SLCO2A1: variants seen among roughly 807,000 people sequenced by gnomAD.
The protein encoded by SLCO2A1 is solute carrier organic anion transporter family member 2A1, also known as matrin F/G 1.
SLCO2A1 carries 60 observed loss-of-function variants against 71.7 expected under a neutral mutation model. The observed-to-expected ratio is 0.84, with a 90% CI of 0.68 to 1.04. The LOEUF is 1.04. SLCO2A1 is among the 50% of genes least tolerant of loss of function. SLCO2A1 has a pLI of 0.00. For synonymous variants in SLCO2A1, 308 were observed against 326.7 expected, an observed-to-expected ratio of 0.94 and a Z score of 0.62; for missense variants, 745 against 813.4, an observed-to-expected ratio of 0.92 and a Z score of 1.02.
intron 1 of SLCO2A1, among the ~76,000 whole-genome samples, chr3:134,000,982 A>G (rs1435583740): frequency 6.6e-6 from 1 of 152,230 alleles, no homozygotes; most frequent in African/African-American, 2.4e-5. Context: ...CTCTTGCTAA[A>G]TTAGCAAGAA....
At chr3:133,973,598 C>T in intron 3 of SLCO2A1, 65 bp downstream of exon 3, 1 of 1,560,990 alleles carries the variant, frequency 6.4e-7, no homozygotes, top group African/African-American at 1.4e-5. Context: ...AGGAGTATCC[C>T]CACTAACTTT....
At chr3:134,022,630 T>G (rs1263468941) in intron 1 of SLCO2A1, among the ~76,000 whole-genome samples, 1 of 152,160 alleles carries the variant, frequency 6.6e-6, no homozygotes, top group African/African-American at 2.4e-5. Context: ...GTCTATAAAA[T>G]CTTACCTTAT....
At chr3:134,021,005 C>A (rs1458358140) in intron 1 of SLCO2A1, among the ~76,000 whole-genome samples, 1 of 152,206 alleles carries the variant, frequency 6.6e-6, no homozygotes, top group Non-Finnish European at 1.5e-5. Context: ...GTGGCCTCAT[C>A]ACCCACGGCA....
intron 3 of SLCO2A1, among the ~76,000 whole-genome samples, chr3:133,969,150 G>A (rs773161013): frequency 9.2e-5 from 14 of 152,216 alleles, no homozygotes; most frequent in Middle Eastern, 3.2e-3. Flanking sequence ...ATGCTGAGCA[G>A]GTCAGGCGCA....
intron 1 of SLCO2A1, among the ~76,000 whole-genome samples, chr3:134,018,864 C>T (rs1935514041): frequency 6.6e-6 from 1 of 150,644 alleles, no homozygotes; most frequent in Admixed American, 6.6e-5. Context: ...CTTAAGATTC[C>T]TGTAAGCTAG....
chr3:133,981,435 A>G (rs989025812), intron 1 of SLCO2A1, among the ~76,000 whole-genome samples: 11 of 152,216 alleles, frequency 7.2e-5, no homozygotes, highest in African/African-American at 2.7e-4. Context: ...GACTAAGTCA[A>G]TGGTTCATAA....
At chr3:133,982,787 C>A (rs928983688) in intron 1 of SLCO2A1, among the ~76,000 whole-genome samples, 1 of 152,080 alleles carries the variant, frequency 6.6e-6, no homozygotes, top group Non-Finnish European at 1.5e-5. Context: ...CCTCTCAAAT[C>A]TTCCACCACA....
chr3:133,979,730 T>A, intron 1 of SLCO2A1, 112 bp from the exon 2 acceptor site: 1 of 1,174,694 alleles, frequency 8.5e-7, no homozygotes, highest in Non-Finnish European at 1.2e-6. Context: ...GCCTGTTATC[T>A]AGGAGCAGTT....
intron 9 of SLCO2A1, among the ~76,000 whole-genome samples, chr3:133,945,604 C>T (rs891357631): frequency 6.6e-6 from 1 of 152,166 alleles, no homozygotes; most frequent in African/African-American, 2.4e-5. Flanking sequence ...AGACAATATT[C>T]GCCTTCCCTC....
chr3:134,013,665 C>T (rs1348311691), intron 1 of SLCO2A1, among the ~76,000 whole-genome samples: 2 of 152,206 alleles, frequency 1.3e-5, no homozygotes, highest in Non-Finnish European at 2.9e-5. Context: ...ATTTCCCAAA[C>T]TCAATTCACT....
chr3:133,958,175 G>A (rs1036052076), intron 3 of SLCO2A1, among the ~76,000 whole-genome samples: 7 of 152,224 alleles, frequency 4.6e-5, no homozygotes, highest in African/African-American at 1.7e-4. Flanking sequence ...AGATCCCAGG[G>A]TGAGGTCAGG....
intron 1 of SLCO2A1, among the ~76,000 whole-genome samples, chr3:134,004,009 T>C (rs143713016): frequency 9.0e-4 from 137 of 152,336 alleles, no homozygotes; most frequent in African/African-American, 3.2e-3. Context: ...GGATCATCCC[T>C]TCCTGACTGC....
At chr3:133,945,582 T>A (rs572431294) in intron 9 of SLCO2A1, among the ~76,000 whole-genome samples, 8 of 152,210 alleles carry the variant, frequency 5.3e-5, no homozygotes, top group African/African-American at 1.7e-4. Flanking sequence ...GCAGCTGCAA[T>A]GGGCAGGTCA....
intron 1 of SLCO2A1, among the ~76,000 whole-genome samples, chr3:134,001,399 C>T (rs962364492): frequency 2.0e-5 from 3 of 152,172 alleles, no homozygotes; most frequent in African/African-American, 7.2e-5. Context: ...ATGTGAGCCA[C>T]CACGCCCAGC....
At chr3:134,011,955 A>G (rs1276403372) in intron 1 of SLCO2A1, among the ~76,000 whole-genome samples, 1 of 152,166 alleles carries the variant, frequency 6.6e-6, no homozygotes, top group East Asian at 1.9e-4. Flanking sequence ...TGAGGGCATC[A>G]CAAACTTGCA....
chr3:134,014,455 T>C (rs969935547), intron 1 of SLCO2A1, among the ~76,000 whole-genome samples: 1 of 152,184 alleles, frequency 6.6e-6, no homozygotes, highest in Non-Finnish European at 1.5e-5. Context: ...TCTCCACCCC[T>C]GGGCAAATTT....
chr3:134,015,507 A>C lies in SLCO2A1; in HGVS notation c.96+14200T>G, dbSNP rs1392946339. Among the ~76,000 whole-genome samples, 4 of 152,162 alleles carry C rather than the reference A, an allele frequency of 2.6e-5. No homozygotes were observed. The South Asian group carries it at 6.2e-4, about 24-fold the overall frequency. On this transcript the variant is annotated intron_variant, in intron 1 of 13. Transcript: ENST00000310926. ...AGTTTCAGAGAGATGGGAGGAATAG[A>C]TTTTGAGATCTGTTGCATAGCAGAG...
At chr3:133,983,371 C>T (rs1934638489) in intron 1 of SLCO2A1, among the ~76,000 whole-genome samples, 1 of 152,212 alleles carries the variant, frequency 6.6e-6, no homozygotes, top group African/African-American at 2.4e-5. Context: ...TGATTCCAGT[C>T]CCAGCCCTCG....
At chr3:133,993,251 C>T (rs184948786) in intron 1 of SLCO2A1, among the ~76,000 whole-genome samples, 4 of 152,360 alleles carry the variant, frequency 2.6e-5, no homozygotes, top group Admixed American at 1.3e-4. Context: ...GTCCAGTTCC[C>T]GTGCACTCCA....
Sources: gnomAD v4.1 joint callset for allele counts (sites outside exome capture counted in the v4.1 genomes callset) on GRCh38, gnomAD v4.1.1 for gene constraint, MANE v1.5 for transcripts, NCBI Gene and HGNC (gene_info 2026-07-23, HGNC 2026-07-21) for gene names.